Variants in PTPRN2 observed in about 807,000 individuals in gnomAD.
The protein encoded by PTPRN2 is receptor-type tyrosine-protein phosphatase N2.
In PTPRN2, 74 loss-of-function variants were observed where a neutral mutation model predicts 118.8. The ratio of observed to expected loss-of-function variants is 0.62; its 90% CI spans 0.52 to 0.76. The LOEUF (loss-of-function observed/expected upper bound fraction) is 0.76, where lower values mean the gene tolerates loss of function less well. Among genes scored for constraint, PTPRN2 ranks in the 30% least tolerant of loss-of-function variants. The pLI, the probability that PTPRN2 is intolerant of heterozygous loss-of-function variation, is 0.00. For missense variants in PTPRN2, 1,481 were observed against 1,394.4 expected, an observed-to-expected ratio of 1.06 and a Z score of -0.99; for synonymous variants, 641 against 608.0, an observed-to-expected ratio of 1.05 and a Z score of -0.80.
chr7:157,716,068 G>A (rs1798888157), intron 12 of PTPRN2, among the ~76,000 whole-genome samples: 1 of 152,266 alleles, frequency 6.6e-6, no homozygotes, highest in African/African-American at 2.4e-5. Context: ...TGGGACATGG[G>A]ATGGCCTGTG....
intron 16 of PTPRN2, among the ~76,000 whole-genome samples, chr7:157,602,494 C>G (rs1436925994): frequency 7.3e-5 from 11 of 150,174 alleles, no homozygotes; most frequent in Admixed American, 7.3e-4. Context: ...CATCAGTGGC[C>G]GCCGAGACCA....
intron 11 of PTPRN2, among the ~76,000 whole-genome samples, chr7:157,925,532 C>T (rs1335876846): frequency 6.6e-6 from 1 of 152,206 alleles, no homozygotes; most frequent in Non-Finnish European, 1.5e-5. Context: ...GGCCCCTCTC[C>T]CTCCAGCTTC....
At chr7:157,815,929 T>C (rs979990122) in intron 12 of PTPRN2, among the ~76,000 whole-genome samples, 3 of 152,176 alleles carry the variant, frequency 2.0e-5, no homozygotes, top group African/African-American at 4.8e-5. Flanking sequence ...CAAGTAAGCA[T>C]GTTGCAGACT....
At chr7:158,186,454 G>T (rs1260200658) in intron 5 of PTPRN2, among the ~76,000 whole-genome samples, 1 of 152,198 alleles carries the variant, frequency 6.6e-6, no homozygotes, top group Non-Finnish European at 1.5e-5. Flanking sequence ...ACACCTGCAG[G>T]AGGTGTCTCC....
At chr7:158,262,701 GCA>G (rs1044813434) in intron 3 of PTPRN2, among the ~76,000 whole-genome samples, 47 of 137,376 alleles carry the variant, frequency 3.4e-4, no homozygotes, top group Middle Eastern at 5.7e-3. Flanking sequence ...CACACACACT[GCA>G]CAGATTCACA....
chr7:158,083,088 G>A (rs574572905), intron 10 of PTPRN2, among the ~76,000 whole-genome samples: 6 of 152,160 alleles, frequency 3.9e-5, no homozygotes, highest in Admixed American at 1.3e-4. Context: ...GAGAGTGGCT[G>A]ATTCTCCCTG....
At chr7:157,959,773 A>T (rs750666238) in intron 11 of PTPRN2, among the ~76,000 whole-genome samples, 3 of 152,232 alleles carry the variant, frequency 2.0e-5, no homozygotes, top group Non-Finnish European at 4.4e-5. Flanking sequence ...AAATAGCTTG[A>T]GAATTCCTCA....
In PTPRN2 at chr7:158,192,324, C is replaced by A; in HGVS notation, c.549+3G>T. 1.4e-6 allele frequency: 2 copies of A among 1,463,754 alleles called. 1 individual carries two copies. The highest frequency in any genetic ancestry group is 3.0e-5 in the South Asian group (2 of 66,356). The allele number at this position is 1,463,754 out of a possible 1,614,324, so 90.7% of individuals were successfully genotyped here. ...CGGCCCGGGGAGGAAGTGGAAGGGT[C>A]ACCTCAGCGGGGGGTCTGTCCTGCG... On this transcript the variant is annotated splice_donor_region_variant and intron_variant, in intron 5 of 22. Transcript: ENST00000389418.
intron 2 of PTPRN2, among the ~76,000 whole-genome samples, chr7:158,337,294 G>A (rs1169764347): frequency 6.7e-6 from 1 of 150,298 alleles, no homozygotes; most frequent in African/African-American, 2.4e-5. Flanking sequence ...CTCACCATAA[G>A]AGCTGTCACG....
intron 11 of PTPRN2, among the ~76,000 whole-genome samples, chr7:157,979,706 G>A (rs962411456): frequency 6.6e-6 from 1 of 152,210 alleles, no homozygotes; most frequent in African/African-American, 2.4e-5. Flanking sequence ...GCCTGCTTAT[G>A]TATTCTGCTC....
intron 1 of PTPRN2, among the ~76,000 whole-genome samples, chr7:158,579,340 C>T (rs1828510099): frequency 6.6e-6 from 1 of 152,198 alleles, no homozygotes; most frequent in African/African-American, 2.4e-5. Context: ...AATATTCCAT[C>T]CTGTCAGCCA....
At chr7:158,542,944 C>A (rs957284360) in intron 1 of PTPRN2, among the ~76,000 whole-genome samples, 2 of 152,212 alleles carry the variant, frequency 1.3e-5, no homozygotes, top group African/African-American at 4.8e-5. Context: ...GCAGAGACCA[C>A]AAAGCCCCAG....
At chr7:158,440,789 TGGG>T (rs1336877421) in intron 2 of PTPRN2, among the ~76,000 whole-genome samples, 84 of 118,928 alleles carry the variant, frequency 7.1e-4, no homozygotes, top group African/African-American at 2.8e-3. Flanking sequence ...GTGATGGTGA[TGGG>T]GGTGGTAGTG....
rs1249085543 is a variant in PTPRN2, at chr7:158,337,810, CCA to C, written c.164-20880_164-20879del. Among the ~76,000 whole-genome samples, 23 of 9,144 alleles carry C rather than the reference CCA, an allele frequency of 2.5e-3. 2 individuals carry two copies. Among genetic ancestry groups the C allele is most frequent in the East Asian group, 8.4e-3 (3 of 358 alleles). 6.0% of individuals were successfully genotyped at this position (9,144 alleles called of 152,430 possible). On this transcript the variant is annotated intron_variant, in intron 2 of 22. Coordinates refer to ENST00000389418, the MANE Select transcript of PTPRN2 (RefSeq NM_002847.5). ...ACACTCTCACCATAAGAGGTGACGCCCATAGACGTCACTCACACCCACACACG... is the reference window on the plus strand; with the variant it reads ...ACACTCTCACCATAAGAGGTGACGCCTAGACGTCACTCACACCCACACACG...
chr7:157,597,620 G>A (rs1210310884), intron 16 of PTPRN2, among the ~76,000 whole-genome samples: 4 of 152,188 alleles, frequency 2.6e-5, no homozygotes, highest in Admixed American at 2.6e-4. Flanking sequence ...GTTGCAGGAG[G>A]GTCGATAAGG....
At chr7:158,319,629 TCACACACACACAGCC>T (rs1802722002) in intron 2 of PTPRN2, among the ~76,000 whole-genome samples, 1 of 9,416 alleles carries the variant, frequency 1.1e-4, no homozygotes. Flanking sequence ...ACAGCCTCCC[TCACACACACACAGCC>T]TCCCTCACAC....
At chr7:158,467,042 G>A (rs1375837713) in intron 2 of PTPRN2, among the ~76,000 whole-genome samples, 1 of 152,144 alleles carries the variant, frequency 6.6e-6, no homozygotes, top group Non-Finnish European at 1.5e-5. Flanking sequence ...AAGCATCCAA[G>A]TGTCCCTTTT....
intron 3 of PTPRN2, among the ~76,000 whole-genome samples, chr7:158,230,467 G>A (rs1829090706): frequency 6.6e-6 from 1 of 151,982 alleles, no homozygotes. Flanking sequence ...TTAAGAGATA[G>A]GCAGCATACA....
intron 2 of PTPRN2, among the ~76,000 whole-genome samples, chr7:158,337,177 A>G (rs1805769158): frequency 6.6e-6 from 1 of 152,030 alleles, no homozygotes; most frequent in Non-Finnish European, 1.5e-5. Flanking sequence ...TGCAGACGTC[A>G]CTCACACCGA....
Sources: allele counts gnomAD v4.1 joint callset (sites outside exome capture counted in the v4.1 genomes callset), GRCh38; gene constraint gnomAD v4.1.1; transcripts MANE v1.5; gene names NCBI Gene and HGNC (gene_info 2026-07-23, HGNC 2026-07-21).